SLTM: variants seen among roughly 807,000 people sequenced by gnomAD.
SLTM encodes the protein SAFB like transcription modulator.
SLTM carries 43 observed loss-of-function variants against 134.6 expected under a neutral mutation model. That is an observed-to-expected ratio of 0.32 (90% CI 0.25 to 0.41). The LOEUF is 0.41. Among genes scored for constraint, SLTM ranks in the 10% least tolerant of loss-of-function variants. The pLI is 1.00. For missense variants in SLTM, 1,055 were observed against 1,288.8 expected, an observed-to-expected ratio of 0.82 and a Z score of 2.78; for synonymous variants, 424 against 432.3, an observed-to-expected ratio of 0.98 and a Z score of 0.24.
chr15:58,923,880 T>C (rs1235593148), intron 2 of SLTM, among the ~76,000 whole-genome samples: 1 of 142,972 alleles, frequency 7.0e-6, no homozygotes, highest in African/African-American at 2.6e-5. Context: ...AGAGGCGCTA[T>C]CTTGGCTCAC....
At chr15:58,915,427 G>T (rs1310578220) in intron 3 of SLTM, among the ~76,000 whole-genome samples, 1 of 152,048 alleles carries the variant, frequency 6.6e-6, no homozygotes, top group Non-Finnish European at 1.5e-5. Flanking sequence ...AAAAGTAAAA[G>T]ATTTTTTACT....
chr15:58,927,751 A>G (rs1314103161), intron 2 of SLTM, among the ~76,000 whole-genome samples: 2 of 152,326 alleles, frequency 1.3e-5, no homozygotes, highest in East Asian at 3.9e-4. Flanking sequence ...TACCTAAGAA[A>G]TATCTATAAC....
chr15:58,879,947 T>G lies in SLTM; in HGVS notation c.*52A>C, dbSNP rs375182113. ...CCTCTTCATAAGTAGTCAAGTAAAG[T>G]TTACAGGAGATTTCAATAAATTATC... On this transcript the variant is annotated 3_prime_UTR_variant, in exon 21 of 21. Coordinates refer to ENST00000380516, the MANE Select transcript of SLTM (RefSeq NM_024755.4). 14 of 1,593,474 alleles carry G rather than the reference T, an allele frequency of 8.8e-6. No individual in the cohort carries two copies. Among genetic ancestry groups the G allele is most frequent in the Non-Finnish European group, 1.1e-5 (13 of 1,168,138 alleles).
rs201098721 is a variant in SLTM, at chr15:58,886,139, T to A, written c.2835+836A>T. 1.6e-4 allele frequency among the ~76,000 whole-genome samples: 24 copies of A among 151,484 alleles called. No homozygotes were observed. In the East Asian group the frequency reaches 4.5e-3, roughly 28 times the overall value. On this transcript the variant is annotated intron_variant, in intron 19 of 20. Coordinates refer to ENST00000380516, the MANE Select transcript of SLTM (RefSeq NM_024755.4). Reference sequence around the variant, plus strand: ...ACATTACACTCATCTACCTTTAGGATAAGAAGACAAAAAATAGACAAAAGT... The same window carrying A: ...ACATTACACTCATCTACCTTTAGGAAAAGAAGACAAAAAATAGACAAAAGT...
chr15:58,880,116 G>A lies in SLTM; in HGVS notation c.2997-9C>T. On this transcript the variant is annotated splice_polypyrimidine_tract_variant and intron_variant, in intron 20 of 20. Coordinates refer to ENST00000380516, the MANE Select transcript of SLTM (RefSeq NM_024755.4). ...TAATTGGGGATGCGTTACTGAAAAA[G>A]GTTTAAAAGAAAAAAACATCAGAGA... 6.2e-7 allele frequency: 1 copy of A among 1,608,412 alleles called. No individual in the cohort carries two copies. Among genetic ancestry groups the A allele is most frequent in the Admixed American group, 1.7e-5 (1 of 59,112 alleles).
At chr15:58,913,434 A>T in intron 4 of SLTM, 65 bp downstream of exon 4, 1 of 1,342,866 alleles carries the variant, frequency 7.4e-7, no homozygotes. Flanking sequence ...ACTAGAAAAA[A>T]ATACTTTTTA....
chr15:58,908,220 C>G (rs1293709960), intron 5 of SLTM, among the ~76,000 whole-genome samples: 1 of 151,792 alleles, frequency 6.6e-6, no homozygotes, highest in African/African-American at 2.4e-5. Context: ...ACCACCACAC[C>G]CAGCTAACTT....
chr15:58,900,054 T>G (rs764076435), intron 6 of SLTM, 117 bp from the exon 7 acceptor site: 1 of 702,178 alleles, frequency 1.4e-6, no homozygotes, highest in Non-Finnish European at 2.2e-6. Context: ...TGATGGAAGT[T>G]AGGGAAAAAA....
At chr15:58,911,953 CAAG>C (rs1209105607) in intron 5 of SLTM, among the ~76,000 whole-genome samples, 3 of 152,042 alleles carry the variant, frequency 2.0e-5, no homozygotes, top group Non-Finnish European at 4.4e-5. Flanking sequence ...AGAAAAAAAT[CAAG>C]AAGAATGTAG....
At chr15:58,919,058 C>T (rs548357649) in intron 2 of SLTM, among the ~76,000 whole-genome samples, 1 of 151,976 alleles carries the variant, frequency 6.6e-6, no homozygotes, top group East Asian at 1.9e-4. Context: ...ACTACAGGCG[C>T]GTGCTACCAT....
At chr15:58,920,380 T>C (rs1228639143) in intron 2 of SLTM, among the ~76,000 whole-genome samples, 1 of 152,034 alleles carries the variant, frequency 6.6e-6, no homozygotes, top group African/African-American at 2.4e-5. Flanking sequence ...TCCCAGCACT[T>C]TGGGAGGCCA....
intron 3 of SLTM, among the ~76,000 whole-genome samples, chr15:58,915,482 A>G (rs1567147106): frequency 6.6e-6 from 1 of 152,222 alleles, no homozygotes; most frequent in Non-Finnish European, 1.5e-5. Context: ...TTGCTTAATC[A>G]TACACTTACT....
Position 58,908,054 on chromosome 15 carries a change from TTTTC to T in SLTM, c.561+4505_561+4508del, listed in dbSNP as rs1324573466. Among the ~76,000 whole-genome samples the T allele has an allele frequency of 2.9e-3, 322 of 111,490 alleles. 1 individual carries two copies. Among genetic ancestry groups the T allele is most frequent in the African/African-American group, 8.2e-3 (293 of 35,562 alleles). 73.1% of individuals were successfully genotyped at this position (111,490 alleles called of 152,430 possible). On this transcript the variant is annotated intron_variant, in intron 5 of 20. Transcript: ENST00000380516. ...GTGTGTGTACATATACATAATTTCT[TTTTC>T]TTTCTTTTTTTTTTTTAAGACAGAG...
intron 5 of SLTM, among the ~76,000 whole-genome samples, chr15:58,912,231 C>G (rs1283879492): frequency 6.6e-6 from 1 of 151,862 alleles, no homozygotes; most frequent in Non-Finnish European, 1.5e-5. Flanking sequence ...TCCTGAGTAG[C>G]TGTGATTACA....
At chr15:58,910,847 C>A (rs1419257368) in intron 5 of SLTM, among the ~76,000 whole-genome samples, 1 of 151,166 alleles carries the variant, frequency 6.6e-6, no homozygotes. Flanking sequence ...CAGGTTCAAG[C>A]CATTCTCCTG....
At chr15:58,919,158 C>A (rs1409198490) in intron 2 of SLTM, among the ~76,000 whole-genome samples, 1 of 152,178 alleles carries the variant, frequency 6.6e-6, no homozygotes, top group African/African-American at 2.4e-5. Flanking sequence ...GGTGATCCAC[C>A]CACCTCGGCC....
chr15:58,910,457 A>C (rs927732169), intron 5 of SLTM, among the ~76,000 whole-genome samples: 3 of 152,230 alleles, frequency 2.0e-5, no homozygotes, highest in East Asian at 3.8e-4. Flanking sequence ...TTTTGATACA[A>C]TATGGCAAAA....
intron 5 of SLTM, among the ~76,000 whole-genome samples, chr15:58,904,213 G>A (rs1180611065): frequency 6.6e-6 from 1 of 152,068 alleles, no homozygotes; most frequent in East Asian, 1.9e-4. Context: ...GTTTCACCAT[G>A]TTGCCCAGGC....
rs140496438 is a variant in SLTM at position 58,920,058 on chromosome 15, G to A, written c.251-3059C>T. On this transcript the variant is annotated intron_variant, in intron 2 of 20. Coordinates refer to ENST00000380516, the MANE Select transcript of SLTM (RefSeq NM_024755.4). The stretch of plus-strand genomic sequence containing the variant: ...AGGCCGGGCGCAGTGCCTCATGCCT[G>A]TAAACCCAGCAATTTGGGAGGCCAA... Among the ~76,000 whole-genome samples, 478 of 152,306 alleles carry A rather than the reference G, an allele frequency of 3.1e-3. 2 individuals are homozygous for A. Among genetic ancestry groups the A allele is most frequent in the African/African-American group, 0.011 (455 of 41,568 alleles).
Sources: allele counts gnomAD v4.1 joint callset (sites outside exome capture counted in the v4.1 genomes callset), GRCh38; gene constraint gnomAD v4.1.1; transcripts MANE v1.5; gene names NCBI Gene and HGNC (gene_info 2026-07-23, HGNC 2026-07-21).